Variants in MRPL21 observed in about 807,000 individuals in gnomAD.
The protein encoded by MRPL21 is large ribosomal subunit protein bL21m.
Under a neutral mutation model 27.3 loss-of-function variants are expected in MRPL21, and 20 were observed. That is an observed-to-expected ratio of 0.73 (90% confidence interval 0.52 to 1.06). The LOEUF is 1.06. Ranked by LOEUF, MRPL21 falls within the 50% of genes least tolerant of loss-of-function variation. The pLI is 0.00. For missense variants in MRPL21, 249 were observed against 251.4 expected (o/e 0.99, Z 0.06); for synonymous variants, 98 against 101.5 (o/e 0.97, Z 0.21).
At chr11:68,893,711 T>G (rs1857711173) in intron 4 of MRPL21, among the ~76,000 whole-genome samples, 1 of 152,210 alleles carries the variant, frequency 6.6e-6, no homozygotes. Flanking sequence ...ACAATTTGAT[T>G]ATTAGATACC....
intron 2 of MRPL21, among the ~76,000 whole-genome samples, chr11:68,898,697 G>C (rs558811753): frequency 1.9e-4 from 29 of 152,194 alleles, no homozygotes; most frequent in African/African-American, 6.8e-4. Flanking sequence ...AGTGAGGGTC[G>C]GGTGTTAGGA....
chr11:68,893,733 T>C (rs1293652008), intron 4 of MRPL21, among the ~76,000 whole-genome samples: 1 of 152,188 alleles, frequency 6.6e-6, no homozygotes, highest in African/African-American at 2.4e-5. Flanking sequence ...TGGATATGCA[T>C]CCAGATAGCT....
chr11:68,891,932 A>T (rs1857655207), intron 6 of MRPL21: 2 of 577,816 alleles, frequency 3.5e-6, no homozygotes, highest in Non-Finnish European at 5.4e-6. Flanking sequence ...CAGGATGCCC[A>T]CTATGGGGGA....
At chr11:68,895,931 G>C (rs1264896308) in intron 4 of MRPL21, among the ~76,000 whole-genome samples, 1 of 152,158 alleles carries the variant, frequency 6.6e-6, no homozygotes, top group Non-Finnish European at 1.5e-5. Flanking sequence ...CCCCCACCTT[G>C]GCCTCCCAAT....
Position 68,892,967 on chromosome 11 carries a change from G to A in MRPL21, c.476C>T (p.Thr159Ile), listed in dbSNP as rs749477981. 1.2e-6 allele frequency: 2 copies of A among 1,608,608 alleles called. No homozygotes were observed. Among genetic ancestry groups the A allele is most frequent in the African/African-American group, 2.7e-5 (2 of 74,824 alleles). Residue 159 changes from threonine to isoleucine, a missense_variant, in exon 6 of 7, where the codon ACA (threonine) becomes ATA (isoleucine). By Grantham distance (89) the Thr-to-Ile change is moderately conservative. Transcript: ENST00000362034. ...LGKDLVRVEATVIEKTESWPR... is the reference protein window; with the variant it reads ...LGKDLVRVEAIVIEKTESWPR... Reference sequence around the variant, plus strand: ...CCATGATTCTGTCTTTTCAATGACTGTGGCTTCTACTCGAACAAGATCCTT... The same window carrying A: ...CCATGATTCTGTCTTTTCAATGACTATGGCTTCTACTCGAACAAGATCCTT...
At chr11:68,895,607 G>A (rs543516359) in intron 4 of MRPL21, among the ~76,000 whole-genome samples, 5 of 152,292 alleles carry the variant, frequency 3.3e-5, no homozygotes, top group African/African-American at 7.2e-5. Flanking sequence ...CCAAGACTGC[G>A]CCATTGCACT....
Position 68,896,414 on chromosome 11 carries a change from A to G in MRPL21, c.396+101T>C. On this transcript the variant is annotated intron_variant, in intron 4 of 6. Transcript: ENST00000362034. Reference sequence around the variant, plus strand: ...TCAGCTTTGTTGGCCTCCACCTGAGACGGGGTCGGCGAGGGTCCCTCCTCC... The same window carrying G: ...TCAGCTTTGTTGGCCTCCACCTGAGGCGGGGTCGGCGAGGGTCCCTCCTCC... 2.1e-6 allele frequency: 3 copies of G among 1,432,528 alleles called. No individual in the cohort carries two copies. In the South Asian group the frequency reaches 3.8e-5, roughly 18 times the overall value. 88.7% of individuals were successfully genotyped at this position (1,432,528 alleles called of 1,614,324 possible).
intron 4 of MRPL21, 163 bp downstream of exon 4, chr11:68,896,352 C>A (rs1857786416): frequency 1.1e-6 from 1 of 872,088 alleles, no homozygotes; most frequent in South Asian, 1.6e-5. Context: ...TGGACCCCAG[C>A]CCCGCCGTGG....
intron 1 of MRPL21, 102 bp downstream of exon 1, chr11:68,903,621 A>G: frequency 8.1e-7 from 1 of 1,229,764 alleles, no homozygotes; most frequent in Non-Finnish European, 1.2e-6. Context: ...AAATGCGATC[A>G]ACACACAAGG....
At position 68,897,929 on chromosome 11, in the gene MRPL21, G is replaced by A; in HGVS notation, c.230C>T (p.Ala77Val). 1 of 1,613,642 alleles carries A rather than the reference G, an allele frequency of 6.2e-7. No homozygotes were observed. Among genetic ancestry groups the A allele is most frequent in the South Asian group, 1.1e-5 (1 of 91,054 alleles). The change falls in exon 3 of 7, where the codon GCA (alanine) becomes GTA (valine). Residue 77 changes from alanine to valine, a missense_variant and splice_region_variant. Transcript: ENST00000362034. ...PDPVEETRHH[A>V]EVVKKVNEMI... ...TCTGTCTCCCAGGGAGGTCTTACCTGCATGGTGTCTGGTCTCCTCAACTGG... is the reference window on the plus strand; with the variant it reads ...TCTGTCTCCCAGGGAGGTCTTACCTACATGGTGTCTGGTCTCCTCAACTGG...
intron 5 of MRPL21, 84 bp from the exon 6 acceptor site, chr11:68,893,077 T>C: frequency 2.1e-6 from 3 of 1,429,208 alleles, no homozygotes; most frequent in Non-Finnish European, 2.8e-6. Context: ...AATGAAGTTA[T>C]ACTTTCTCTT....
chr11:68,902,816 C>G (rs1857994152), intron 1 of MRPL21, among the ~76,000 whole-genome samples: 1 of 151,782 alleles, frequency 6.6e-6, no homozygotes, highest in South Asian at 2.1e-4. Context: ...TTTTCTCCCC[C>G]AATCCTCTTA....
At chr11:68,899,290 C>A (rs1857877589) in intron 2 of MRPL21, among the ~76,000 whole-genome samples, 1 of 152,204 alleles carries the variant, frequency 6.6e-6, no homozygotes, top group Non-Finnish European at 1.5e-5. Context: ...GCTGCTGCCA[C>A]TGCAAAGTAA....
At chr11:68,899,203 T>C (rs1857875633) in intron 2 of MRPL21, among the ~76,000 whole-genome samples, 1 of 152,180 alleles carries the variant, frequency 6.6e-6, no homozygotes, top group African/African-American at 2.4e-5. Flanking sequence ...GTGGGGTCTT[T>C]CTTTCTGTAG....
At chr11:68,900,043 G>C (rs1173192375) in intron 2 of MRPL21, among the ~76,000 whole-genome samples, 6 of 152,192 alleles carry the variant, frequency 3.9e-5, no homozygotes, top group Admixed American at 3.3e-4. Flanking sequence ...TCTCCCACCA[G>C]TGAGTGGAAC....
intron 4 of MRPL21, 138 bp from the exon 5 acceptor site, chr11:68,893,593 C>A: frequency 8.6e-7 from 1 of 1,156,428 alleles, no homozygotes; most frequent in African/African-American, 1.5e-5. Context: ...CATCTGCTGT[C>A]TAATGATCTC....
intron 1 of MRPL21, among the ~76,000 whole-genome samples, chr11:68,902,826 AC>A (rs1252707697): frequency 6.7e-6 from 1 of 149,660 alleles, no homozygotes; most frequent in African/African-American, 2.5e-5. Context: ...CAATCCTCTT[AC>A]CCCCCATGTA....
In MRPL21 at chr11:68,897,546, C is replaced by T. The variant is rs1288831263; in HGVS notation, c.232+381G>A. ...GTCCCTTCTGACACGGGCTCCAGGTCGACATGAGTCCTGATACCTCTGCAT... is the reference window on the plus strand; with the variant it reads ...GTCCCTTCTGACACGGGCTCCAGGTTGACATGAGTCCTGATACCTCTGCAT... On this transcript the variant is annotated intron_variant, in intron 3 of 6. Coordinates refer to ENST00000362034, the MANE Select transcript of MRPL21 (RefSeq NM_181514.2). 8 of 222,902 alleles carry T rather than the reference C, an allele frequency of 3.6e-5. No homozygotes were observed. In the East Asian group the frequency reaches 4.9e-4, roughly 14 times the overall value. The allele number at this position is 222,902 out of a possible 1,614,324, so 13.8% of individuals were successfully genotyped here.
intron 6 of MRPL21, chr11:68,891,696 C>T (rs1187709381): frequency 9.2e-6 from 5 of 543,268 alleles, no homozygotes; most frequent in South Asian, 4.7e-5. Context: ...GGAGGATGGC[C>T]CCACCTGAGT....
Sources: gnomAD v4.1 joint callset for allele counts (sites outside exome capture counted in the v4.1 genomes callset) on GRCh38, gnomAD v4.1.1 for gene constraint, MANE v1.5 for transcripts, NCBI Gene and HGNC (gene_info 2026-07-23, HGNC 2026-07-21) for gene names.